The following DCHS2 variants were observed in gnomAD, a reference collection of about 807,000 sequenced individuals.
DCHS2 encodes the protein protocadherin-23.
In DCHS2, 142 loss-of-function variants were observed where a neutral mutation model predicts 182.4. That is an observed-to-expected ratio of 0.78 (90% CI 0.68 to 0.89). The LOEUF is 0.89. Ranked by LOEUF, DCHS2 falls within the 40% of genes least tolerant of loss-of-function variation. DCHS2 has a pLI of 0.00. For synonymous variants in DCHS2, 1,740 were observed against 1,663.3 expected, an observed-to-expected ratio of 1.05 and a Z score of -1.12; for missense variants, 4,319 against 4,198.6, an observed-to-expected ratio of 1.03 and a Z score of -0.79.
intron 1 of DCHS2, among the ~76,000 whole-genome samples, chr4:154,414,131 GCAAA>G (rs996473951): frequency 1.5e-4 from 23 of 151,568 alleles, no homozygotes; most frequent in Admixed American, 5.3e-4. Flanking sequence ...CAGATAGAGG[GCAAA>G]CAGTCAATAA....
chr4:154,297,283 AC>A (rs1734969742), intron 13 of DCHS2, among the ~76,000 whole-genome samples: 1 of 152,038 alleles, frequency 6.6e-6, no homozygotes, highest in East Asian at 1.9e-4. Context: ...CTCAATTTAG[AC>A]TTATGCCCTT....
intron 1 of DCHS2, among the ~76,000 whole-genome samples, chr4:154,397,720 G>A (rs1428028074): frequency 1.3e-5 from 2 of 152,090 alleles, no homozygotes; most frequent in Non-Finnish European, 2.9e-5. Flanking sequence ...CTTTTTACAA[G>A]TTCACTTTAA....
intron 19 of DCHS2, among the ~76,000 whole-genome samples, chr4:154,237,824 C>T (rs1731606269): frequency 6.6e-6 from 1 of 152,054 alleles, no homozygotes; most frequent in Non-Finnish European, 1.5e-5. Flanking sequence ...CATTTAAATG[C>T]CATGTTTCAG....
intron 13 of DCHS2, among the ~76,000 whole-genome samples, chr4:154,275,327 CAT>C (rs1733806017): frequency 6.6e-6 from 1 of 152,044 alleles, no homozygotes. Flanking sequence ...TTATGCTTAA[CAT>C]AAACTGTAAC....
rs1288761493 is a variant in DCHS2 at position 154,239,232 on chromosome 4, T to C, written c.7430A>G (p.Asn2477Ser). The C allele has an allele frequency of 6.2e-7, 1 of 1,613,526 alleles. No homozygotes were observed. Among genetic ancestry groups the C allele is most frequent in the Non-Finnish European group, 8.5e-7 (1 of 1,179,716 alleles). Residue 2477 changes from asparagine (N) to serine (S), a missense_variant, in exon 19 of 20, where the codon AAT (asparagine) becomes AGT (serine). Coordinates refer to ENST00000357232, the MANE Select transcript of DCHS2 (RefSeq NM_001358235.2). The part of the protein sequence containing the change: ...LTLSATDLES[N>S]ENISYRILSS... Reference sequence around the variant, plus strand: ...TAGAATTCTGTAAGAAATGTTCTCATTGCTTTCTAAGTCTGTGGCTGACAG... The same window carrying C: ...TAGAATTCTGTAAGAAATGTTCTCACTGCTTTCTAAGTCTGTGGCTGACAG...
chr4:154,253,188 A>AGTGTGTGT (rs200352701), intron 16 of DCHS2, among the ~76,000 whole-genome samples: 5 of 147,474 alleles, frequency 3.4e-5, no homozygotes, highest in African/African-American at 1.0e-4. Flanking sequence ...AGAGAGAGAG[A>AGTGTGTGT]GAGAGTGTGT....
intron 1 of DCHS2, among the ~76,000 whole-genome samples, chr4:154,378,270 A>G (rs1731004958): frequency 1.3e-5 from 2 of 152,118 alleles, no homozygotes; most frequent in Non-Finnish European, 2.9e-5. Context: ...GGGAGTATAT[A>G]GTGAGAAATA....
At position 154,490,146 on chromosome 4, in the gene DCHS2, G is replaced by C. The variant is rs1338000666; in HGVS notation, c.1210C>G (p.Leu404Val). Residue 404 changes from leucine (L) to valine (V), a missense_variant, in exon 1 of 20, where the codon CTG (leucine) becomes GTG (valine). By Grantham distance (32) the Leu-to-Val change is conservative. Coordinates refer to ENST00000357232, the MANE Select transcript of DCHS2 (RefSeq NM_001358235.2). ...GCTGGCCGGTTGTCATTCACGTCCA[G>C]CACGGCGATGGACACGCGCACCGTG... ...VATVRVSIAV[L>V]DVNDNRPAIH... is the part of the protein sequence containing the mutation. 5.2e-6 allele frequency: 8 copies of C among 1,548,206 alleles called. No individual in the cohort carries two copies. The highest frequency in any genetic ancestry group is 7.0e-6 in the Non-Finnish European group (8 of 1,145,624).
Position 154,235,924 on chromosome 4 carries a change from C to T in DCHS2, c.8728G>A (p.Gly2910Ser). The T allele has an allele frequency of 6.2e-7, 1 of 1,613,916 alleles. No individual in the cohort carries two copies. The highest frequency in any genetic ancestry group is 8.5e-7 in the Non-Finnish European group (1 of 1,179,936). ...GRVEASDADA[G>S]IDGVILYSLG... The stretch of plus-strand genomic sequence containing the variant: ...GAGTAAAGAATGACTCCATCAATAC[C>T]AGCATCTGCATCTGAGGCTTCCACT... Residue 2910 changes from glycine (G) to serine (S), a missense_variant, in exon 20 of 20, where the codon GGT (glycine) becomes AGT (serine). Physicochemically the swap from Gly to Ser is moderately conservative, Grantham distance 56. Coordinates refer to ENST00000357232, the MANE Select transcript of DCHS2 (RefSeq NM_001358235.2).
chr4:154,287,423 T>C (rs1734453465), intron 13 of DCHS2, among the ~76,000 whole-genome samples: 3 of 152,082 alleles, frequency 2.0e-5, no homozygotes, highest in Non-Finnish European at 4.4e-5. Flanking sequence ...GTCAAGACAG[T>C]ACAATAAGAT....
At chr4:154,300,850 T>C (rs1002733767) in intron 12 of DCHS2, among the ~76,000 whole-genome samples, 6 of 152,136 alleles carry the variant, frequency 3.9e-5, no homozygotes, top group Non-Finnish European at 7.3e-5. Flanking sequence ...AAATAAGTTA[T>C]GGAGAAAGGA....
intron 1 of DCHS2, among the ~76,000 whole-genome samples, chr4:154,480,845 C>G (rs566347104): frequency 4.6e-4 from 69 of 151,484 alleles, no homozygotes; most frequent in Admixed American, 1.2e-3. Context: ...CCCAGGCTGG[C>G]CTCAAACTCC....
At chr4:154,363,491 T>C (rs1234340280) in intron 3 of DCHS2, among the ~76,000 whole-genome samples, 1 of 152,324 alleles carries the variant, frequency 6.6e-6, no homozygotes, top group South Asian at 2.1e-4. Flanking sequence ...GTCTCACTTT[T>C]ACATGTGGCA....
chr4:154,234,301 A>T lies in DCHS2; in HGVS notation c.*235T>A. The T allele has an allele frequency of 2.0e-6, 1 of 493,942 alleles. No homozygotes were observed. The allele number at this position is 493,942 out of a possible 1,614,324, so 30.6% of individuals were successfully genotyped here. ...GGTCTGACAGAATATACACTACTTA[A>T]TATATACAAATGTGAGTCCTGAGAG... On this transcript the variant is annotated 3_prime_UTR_variant, in exon 20 of 20. Transcript: ENST00000357232.
intron 1 of DCHS2, among the ~76,000 whole-genome samples, chr4:154,443,861 T>A (rs1734138977): frequency 6.6e-6 from 1 of 152,250 alleles, no homozygotes; most frequent in Non-Finnish European, 1.5e-5. Flanking sequence ...TTCCACTCCA[T>A]TAAAACTGCT....
chr4:154,281,304 G>GA (rs1734135046), intron 13 of DCHS2, among the ~76,000 whole-genome samples: 1 of 151,990 alleles, frequency 6.6e-6, no homozygotes, highest in African/African-American at 2.4e-5. Flanking sequence ...GATCCCACAA[G>GA]AAAAACTAAT....
chr4:154,259,496 A>ACACC, intron 15 of DCHS2, 49 bp downstream of exon 15: 1 of 1,583,686 alleles, frequency 6.3e-7, no homozygotes, highest in East Asian at 2.3e-5. Flanking sequence ...TCACACAGAC[A>ACACC]CACCCACACA....
rs145269031 is a variant in DCHS2 at position 154,352,151 on chromosome 4, T to G, written c.2476+14059A>C. On this transcript the variant is annotated intron_variant, in intron 3 of 19. Coordinates refer to ENST00000357232, the MANE Select transcript of DCHS2 (RefSeq NM_001358235.2). ...GTTTGTCCAGCAATAAAAGGCTTAT[T>G]ATTATTATCTGTTTCATTAACTTTT... Among the ~76,000 whole-genome samples, 653 of 152,214 alleles carry G rather than the reference T, an allele frequency of 4.3e-3. 2 individuals are homozygous for G. Among genetic ancestry groups the G allele is most frequent in the African/African-American group, 0.015 (624 of 41,516 alleles).
chr4:154,312,485 G>C (rs1735704915), intron 10 of DCHS2, among the ~76,000 whole-genome samples: 1 of 152,206 alleles, frequency 6.6e-6, no homozygotes, highest in Non-Finnish European at 1.5e-5. Context: ...GGCATTTGAG[G>C]CTACAGTGAG....
Sources: allele counts gnomAD v4.1 joint callset (sites outside exome capture counted in the v4.1 genomes callset), GRCh38; gene constraint gnomAD v4.1.1; transcripts MANE v1.5; gene names NCBI Gene and HGNC (gene_info 2026-07-23, HGNC 2026-07-21).